Variants in SLC33A1 observed in about 807,000 individuals in gnomAD.
SLC33A1 encodes acetyl-coenzyme A transporter 1.
A neutral mutation model predicts 50.0 loss-of-function variants in SLC33A1; 20 were observed. That is an observed-to-expected ratio of 0.40 (90% CI 0.28 to 0.58). The LOEUF is 0.58. Among genes scored for constraint, SLC33A1 ranks in the 20% least tolerant of loss-of-function variants. The pLI, the probability that SLC33A1 is intolerant of heterozygous loss-of-function variation, is 0.44. For missense variants in SLC33A1, 476 were observed against 657.0 expected (o/e 0.72, Z 3.01); for synonymous variants, 265 against 251.8 (o/e 1.05, Z -0.50).
At chr3:155,844,011 A>G (rs1753028859) in intron 1 of SLC33A1, among the ~76,000 whole-genome samples, 1 of 152,156 alleles carries the variant, frequency 6.6e-6, no homozygotes, top group Admixed American at 6.5e-5. Context: ...TGTATGTGGC[A>G]CAACTGATCA....
chr3:155,836,580 A>C (rs1752692002), intron 2 of SLC33A1, among the ~76,000 whole-genome samples: 1 of 152,124 alleles, frequency 6.6e-6, no homozygotes, highest in African/African-American at 2.4e-5. Flanking sequence ...ATATCTAATA[A>C]AAGACTCAAA....
At chr3:155,836,547 A>G (rs1399483314) in intron 2 of SLC33A1, among the ~76,000 whole-genome samples, 1 of 152,128 alleles carries the variant, frequency 6.6e-6, no homozygotes, top group Non-Finnish European at 1.5e-5. Context: ...AAAGTTATAT[A>G]GTAGGAGATA....
At chr3:155,847,389 C>T (rs966328345) in intron 1 of SLC33A1, among the ~76,000 whole-genome samples, 1 of 152,016 alleles carries the variant, frequency 6.6e-6, no homozygotes, top group African/African-American at 2.4e-5. Flanking sequence ...ATTATGTGTT[C>T]TGAAAGCAGG....
At position 155,831,457 on chromosome 3, in the gene SLC33A1, C is replaced by CAAAAAAAAAAAAAAA. The variant is rs397991448; in HGVS notation, c.1267-1569_1267-1555dup. ...TGGGCAACAGAGTGAGACTCTGTCTCAAAAAAAAAAAAAAAAAAAAAAAAA... is the reference window on the plus strand; with the variant it reads ...TGGGCAACAGAGTGAGACTCTGTCTCAAAAAAAAAAAAAAAAAAAAAAAAAAAAAAAAAAAAAAAA... On this transcript the variant is annotated intron_variant, in intron 4 of 5. Coordinates refer to ENST00000643144, the MANE Select transcript of SLC33A1 (RefSeq NM_004733.4). 4.7e-4 allele frequency among the ~76,000 whole-genome samples: 22 copies of CAAAAAAAAAAAAAAA among 46,714 alleles called. 3 individuals carry two copies. Among genetic ancestry groups the CAAAAAAAAAAAAAAA allele is most frequent in the African/African-American group, 1.2e-3 (20 of 17,212 alleles). 30.6% of individuals were successfully genotyped at this position (46,714 alleles called of 152,430 possible).
chr3:155,848,572 C>T (rs916453053), intron 1 of SLC33A1, among the ~76,000 whole-genome samples: 2 of 152,164 alleles, frequency 1.3e-5, no homozygotes, highest in Admixed American at 1.3e-4. Flanking sequence ...GTCCCAGCTA[C>T]TCGGGAGGCT....
intron 2 of SLC33A1, among the ~76,000 whole-genome samples, chr3:155,837,355 C>CAAAA (rs370005455): frequency 4.3e-5 from 3 of 69,338 alleles, no homozygotes; most frequent in Admixed American, 1.6e-4. Context: ...GACTCCGTCT[C>CAAAA]AAAAAAAAAA....
chr3:155,831,407 G>A (rs1008053725), intron 4 of SLC33A1, among the ~76,000 whole-genome samples: 11 of 127,506 alleles, frequency 8.6e-5, no homozygotes, highest in African/African-American at 2.9e-4. Flanking sequence ...ACAGTGAGCC[G>A]AGATTGTGCC....
intron 2 of SLC33A1, among the ~76,000 whole-genome samples, chr3:155,840,900 G>A (rs759148052): frequency 2.5e-4 from 38 of 152,188 alleles, no homozygotes; most frequent in Non-Finnish European, 5.0e-4. Context: ...CAGGAGAATC[G>A]CTTGAACCCA....
At position 155,832,549 on chromosome 3, in the gene SLC33A1, C is replaced by T. The variant is rs543260876; in HGVS notation, c.1266+919G>A. ...TTCAATATAGAAGCTAAGCCAGGGCCGGGTATGGTGGCTCATGCCTGTAAT... is the reference window on the plus strand; with the variant it reads ...TTCAATATAGAAGCTAAGCCAGGGCTGGGTATGGTGGCTCATGCCTGTAAT... On this transcript the variant is annotated intron_variant, in intron 4 of 5. Transcript: ENST00000643144. Among the ~76,000 whole-genome samples, 7 of 151,482 alleles carry T rather than the reference C, an allele frequency of 4.6e-5. No individual in the cohort carries two copies. In the South Asian group the frequency reaches 1.0e-3, roughly 23 times the overall value.
In SLC33A1 at chr3:155,834,018, A is replaced by G; in HGVS notation, c.987T>C (p.Ala329=). Residue 329 remains alanine, a synonymous_variant, in exon 3 of 6, where the codon GCT becomes GCC. Transcript: ENST00000643144. ...TAKIGFSAAD[A]VTGLKLVEEG... Reference sequence around the variant, plus strand: ...CTTCTACCAATTTCAGTCCTGTTACAGCATCTGCTGCTGAAAAACCAATCT... The same window carrying G: ...CTTCTACCAATTTCAGTCCTGTTACGGCATCTGCTGCTGAAAAACCAATCT... The G allele has an allele frequency of 6.2e-7, 1 of 1,613,890 alleles. No homozygotes were observed. The highest frequency in any genetic ancestry group is 2.2e-5 in the East Asian group (1 of 44,844).
intron 2 of SLC33A1, among the ~76,000 whole-genome samples, chr3:155,836,323 GA>G (rs1215766908): frequency 4.3e-5 from 3 of 69,940 alleles, no homozygotes; most frequent in Non-Finnish European, 6.2e-5. Flanking sequence ...AGGAAAGAAA[GA>G]AAAAAAGAAA....
chr3:155,849,737 A>G (rs1014116318), intron 1 of SLC33A1, among the ~76,000 whole-genome samples: 1 of 151,470 alleles, frequency 6.6e-6, no homozygotes, highest in African/African-American at 2.4e-5. Context: ...GCGAAACCCC[A>G]TCTCTACCAA....
At chr3:155,849,967 C>G in intron 1 of SLC33A1, among the ~76,000 whole-genome samples, 1 of 149,280 alleles carries the variant, frequency 6.7e-6, no homozygotes, top group African/African-American at 2.4e-5. Context: ...CAATTCACTG[C>G]CTAGAAATAC....
chr3:155,823,647 C>T lies in SLC33A1; in HGVS notation c.*4563G>A, dbSNP rs1363973329. 6.6e-6 allele frequency: 1 copy of T among 151,732 alleles called. No individual in the cohort carries two copies. Among genetic ancestry groups the T allele is most frequent in the Non-Finnish European group, 1.5e-5 (1 of 67,960 alleles). The allele number at this position is 151,732 out of a possible 1,614,324, so 9.4% of individuals were successfully genotyped here. A position where few individuals can be genotyped will look rare whatever the true frequency, so the allele number is the denominator to read the frequency against. ...TGGGCAACAGAGCCAGACTCCATCT[C>T]AAAAAAATAATAAAATAAAATAAAG... On this transcript the variant is annotated 3_prime_UTR_variant, in exon 6 of 6. Transcript: ENST00000643144.
chr3:155,830,604 G>A (rs1017327008), intron 4 of SLC33A1, among the ~76,000 whole-genome samples: 7 of 151,882 alleles, frequency 4.6e-5, no homozygotes, highest in East Asian at 1.9e-4. Context: ...AAGACTCCAC[G>A]GAGAAAATGT....
intron 1 of SLC33A1, among the ~76,000 whole-genome samples, chr3:155,844,425 GTATATATATATATATATA>G (rs869082007): frequency 1.2e-4 from 4 of 33,610 alleles, no homozygotes; most frequent in Non-Finnish European, 1.9e-4. Context: ...CTACATAAAG[GTATATATATATATATATA>G]TATATATATA....
rs1054947099 is a variant in SLC33A1, at chr3:155,825,855, A to G, written c.*2355T>C. 1 of 152,258 alleles carries G rather than the reference A, an allele frequency of 6.6e-6. No individual in the cohort carries two copies. Among genetic ancestry groups the G allele is most frequent in the Admixed American group, 6.5e-5 (1 of 15,286 alleles). 9.4% of individuals were successfully genotyped at this position (152,258 alleles called of 1,614,324 possible). A position where few individuals can be genotyped will look rare whatever the true frequency, so the allele number is the denominator to read the frequency against. ...TGGTATATTTTAGTACTACTGATTTATAATAAACAGATCCTCAGATTTAGG... is the reference window on the plus strand; with the variant it reads ...TGGTATATTTTAGTACTACTGATTTGTAATAAACAGATCCTCAGATTTAGG... On this transcript the variant is annotated 3_prime_UTR_variant, in exon 6 of 6. Transcript: ENST00000643144.
intron 1 of SLC33A1, among the ~76,000 whole-genome samples, chr3:155,847,359 A>G (rs1228876236): frequency 6.6e-6 from 1 of 152,238 alleles, no homozygotes; most frequent in African/African-American, 2.4e-5. Context: ...AAATTCTAAC[A>G]GGCATTTTGA....
In SLC33A1 at chr3:155,854,024, G is replaced by A. The variant is rs777838988; in HGVS notation, c.-27C>T. The A allele has an allele frequency of 1.2e-5, 18 of 1,523,098 alleles. No individual in the cohort carries two copies. Among genetic ancestry groups the A allele is most frequent in the Non-Finnish European group, 1.4e-5 (16 of 1,139,064 alleles). 94.3% of individuals were successfully genotyped at this position (1,523,098 alleles called of 1,614,324 possible). On this transcript the variant is annotated 5_prime_UTR_variant, in exon 1 of 6. Coordinates refer to ENST00000643144, the MANE Select transcript of SLC33A1 (RefSeq NM_004733.4). ...TCAGAGACGATGCAGAGCCCCGTCT[G>A]TGGGGGGCCGAGGCTGAGCGTTTTG...
Sources: gnomAD v4.1 joint callset for allele counts (sites outside exome capture counted in the v4.1 genomes callset) on GRCh38, gnomAD v4.1.1 for gene constraint, MANE v1.5 for transcripts, NCBI Gene and HGNC (gene_info 2026-07-23, HGNC 2026-07-21) for gene names.